The following DOCK4 variants were observed in gnomAD, a reference collection of about 807,000 sequenced individuals.
DOCK4 encodes dedicator of cytokinesis protein 4.
A neutral mutation model predicts 268.1 loss-of-function variants in DOCK4; 97 were observed. That is an observed-to-expected ratio of 0.36 (90% CI 0.31 to 0.43). DOCK4 has a LOEUF of 0.43. Ranked by LOEUF, DOCK4 falls within the 20% of genes least tolerant of loss-of-function variation. The pLI is 1.00. For missense variants in DOCK4, 2,145 were observed against 2,455.7 expected, an observed-to-expected ratio of 0.87 and a Z score of 2.67; for synonymous variants, 954 against 887.2, an observed-to-expected ratio of 1.08 and a Z score of -1.34.
chr7:111,900,997 C>T (rs1420704122), intron 14 of DOCK4, among the ~76,000 whole-genome samples: 1 of 152,092 alleles, frequency 6.6e-6, no homozygotes, highest in Admixed American at 6.5e-5. Context: ...GTAAGTAGTA[C>T]CCTAGTCTTC....
intron 51 of DOCK4, among the ~76,000 whole-genome samples, chr7:111,733,758 T>C (rs78304616): frequency 0.027 from 4,062 of 152,316 alleles, 133 homozygotes; most frequent in African/African-American, 0.073. Context: ...ACATCGTGAA[T>C]GAGATACAAA....
Position 111,744,393 on chromosome 7 carries a change from C to T in DOCK4, c.4677+1941G>A, listed in dbSNP as rs572701826. ...GATGGTGCCCTCTCCAGTCCACCTC[C>T]CCACAGAGATGATGAGACTTGGCCA... is the stretch of plus-strand genomic sequence containing the variant. On this transcript the variant is annotated intron_variant, in intron 44 of 52. Transcript: ENST00000428084. Among the ~76,000 whole-genome samples the T allele has an allele frequency of 2.6e-5, 4 of 152,302 alleles. No individual in the cohort carries two copies. The East Asian group carries it at 7.7e-4, about 29-fold the overall frequency.
At chr7:112,176,610 T>C (rs12705814) in intron 1 of DOCK4, among the ~76,000 whole-genome samples, 19,682 of 152,200 alleles carry the variant, frequency 0.13, 1,723 homozygotes, top group Non-Finnish European at 0.2. Context: ...GAAAAACCTA[T>C]AGTTTGCACA....
intron 13 of DOCK4, among the ~76,000 whole-genome samples, chr7:111,906,789 T>C (rs1045765161): frequency 6.6e-6 from 1 of 152,094 alleles, no homozygotes; most frequent in African/African-American, 2.4e-5. Context: ...ACTTGGGTCA[T>C]GAGCCAAGGA....
At chr7:111,911,121 C>T (rs1792061295) in intron 13 of DOCK4, among the ~76,000 whole-genome samples, 1 of 152,180 alleles carries the variant, frequency 6.6e-6, no homozygotes, top group African/African-American at 2.4e-5. Context: ...TTGGTATAAT[C>T]ATGTGCCTCA....
At chr7:111,930,199 C>T (rs564995570) in intron 12 of DOCK4, among the ~76,000 whole-genome samples, 6 of 152,298 alleles carry the variant, frequency 3.9e-5, no homozygotes, top group African/African-American at 1.4e-4. Flanking sequence ...CTATATCTAA[C>T]TGTGAAGATA....
At chr7:112,154,921 A>G (rs758592197) in intron 1 of DOCK4, among the ~76,000 whole-genome samples, 105 of 152,324 alleles carry the variant, frequency 6.9e-4, no homozygotes, top group Admixed American at 1.9e-3. Flanking sequence ...TAAAACAGGT[A>G]GAGAAAAGAG....
intron 42 of DOCK4, among the ~76,000 whole-genome samples, chr7:111,750,351 C>G (rs1796547596): frequency 6.6e-6 from 1 of 152,152 alleles, no homozygotes; most frequent in Non-Finnish European, 1.5e-5. Context: ...GAGATGTTAT[C>G]TACAGAATGC....
chr7:112,155,258 T>A (rs950460902), intron 1 of DOCK4, among the ~76,000 whole-genome samples: 1 of 152,160 alleles, frequency 6.6e-6, no homozygotes, highest in African/African-American at 2.4e-5. Context: ...GTTTCATGTA[T>A]CCCCAAAAGA....
intron 10 of DOCK4, among the ~76,000 whole-genome samples, chr7:111,944,198 T>C (rs566144882): frequency 1.3e-5 from 2 of 152,304 alleles, no homozygotes; most frequent in East Asian, 3.9e-4. Context: ...TGTTAATAAG[T>C]GCTACATTAT....
intron 7 of DOCK4, among the ~76,000 whole-genome samples, chr7:111,980,016 T>G (rs540156496): frequency 5.9e-5 from 9 of 152,184 alleles, no homozygotes; most frequent in Non-Finnish European, 1.3e-4. Context: ...TAATGGGCAA[T>G]GAGGGTTGAG....
At chr7:111,750,341 G>C (rs1038599760) in intron 42 of DOCK4, among the ~76,000 whole-genome samples, 1 of 152,184 alleles carries the variant, frequency 6.6e-6, no homozygotes, top group African/African-American at 2.4e-5. Context: ...CTAGGAGGAA[G>C]AGATGTTATC....
chr7:111,813,533 C>G (rs982370505), intron 27 of DOCK4, among the ~76,000 whole-genome samples: 3 of 152,122 alleles, frequency 2.0e-5, no homozygotes, highest in Non-Finnish European at 4.4e-5. Context: ...CATGGGCATT[C>G]GCTCTACCAT....
At chr7:111,940,076 C>T in intron 11 of DOCK4, 34 bp downstream of exon 11, 1 of 1,612,528 alleles carries the variant, frequency 6.2e-7, no homozygotes, top group South Asian at 1.1e-5. Flanking sequence ...ACCCCTGTGC[C>T]TACCCCAGCC....
chr7:111,794,412 G>A (rs1799750710), intron 30 of DOCK4, among the ~76,000 whole-genome samples: 1 of 152,126 alleles, frequency 6.6e-6, no homozygotes, highest in African/African-American at 2.4e-5. Flanking sequence ...ATCACATGGG[G>A]GAAACCTGTG....
chr7:112,067,507 A>G (rs1807186048), intron 1 of DOCK4, among the ~76,000 whole-genome samples: 1 of 152,186 alleles, frequency 6.6e-6, no homozygotes, highest in African/African-American at 2.4e-5. Context: ...TAAAAAATAT[A>G]CTAGAGAGAA....
intron 10 of DOCK4, 122 bp from the exon 11 acceptor site, chr7:111,940,364 G>C (rs1586442196): frequency 7.7e-7 from 1 of 1,292,956 alleles, no homozygotes; most frequent in East Asian, 2.3e-5. Context: ...AGAGCACCCA[G>C]GTTGGGCGTA....
rs1238183359 is a variant in DOCK4, at chr7:111,728,495, G to A, written c.5707C>T (p.Arg1903Cys). 6.8e-6 allele frequency: 11 copies of A among 1,613,160 alleles called. No homozygotes were observed. The highest frequency in any genetic ancestry group is 9.3e-6 in the Non-Finnish European group (11 of 1,179,738). The change falls in exon 53 of 53, where the codon CGC (arginine) becomes TGC (cysteine). Residue 1903 changes from arginine (R) to cysteine (C), a missense_variant. Transcript: ENST00000428084. ...VPSYGGEEPV[R>C]KESKTPPPYS... ...GGGGGCGGAGTCTTGCTCTCCTTGC[G>A]CACTGGCTCCTCCCCGCCGTAGCTC...
chr7:112,048,869 C>A (rs1805092850), intron 1 of DOCK4, among the ~76,000 whole-genome samples: 1 of 152,006 alleles, frequency 6.6e-6, no homozygotes, highest in South Asian at 2.1e-4. Flanking sequence ...CTGCACCTAT[C>A]AACCCATCAC....
Sources: allele counts gnomAD v4.1 joint callset (sites outside exome capture counted in the v4.1 genomes callset), GRCh38; gene constraint gnomAD v4.1.1; transcripts MANE v1.5; gene names NCBI Gene and HGNC (gene_info 2026-07-23, HGNC 2026-07-21).